Variants in SLC12A1 observed in about 807,000 individuals in gnomAD.
SLC12A1 encodes the protein solute carrier family 12 member 1.
SLC12A1 carries 89 observed loss-of-function variants against 130.4 expected under a neutral mutation model. The observed-to-expected ratio is 0.68, with a 90% CI of 0.58 to 0.81. The LOEUF is 0.81. SLC12A1 is among the 40% of genes least tolerant of loss of function. The probability of loss-of-function intolerance (pLI) is 0.00; values close to 1 mark genes in which losing one functional copy is unlikely to be tolerated. For missense variants in SLC12A1, 1,310 were observed against 1,336.4 expected, an observed-to-expected ratio of 0.98 and a Z score of 0.31; for synonymous variants, 499 against 460.0, an observed-to-expected ratio of 1.08 and a Z score of -1.09.
chr15:48,261,873 T>C (rs1033550830), intron 17 of SLC12A1, among the ~76,000 whole-genome samples: 11 of 152,172 alleles, frequency 7.2e-5, no homozygotes, highest in Non-Finnish European at 1.5e-5. Context: ...CATAATTTCA[T>C]CTCTCTGTGC....
In SLC12A1 at chr15:48,244,778, C is replaced by T. The variant is rs769836162; in HGVS notation, c.1326C>T (p.Thr442=). The T allele has an allele frequency of 1.2e-5, 20 of 1,613,888 alleles. No individual in the cohort carries two copies. Among genetic ancestry groups the T allele is most frequent in the East Asian group, 2.2e-5 (1 of 44,880 alleles). Residue 442 remains threonine (T), a synonymous_variant, in exon 11 of 27, where the codon ACC becomes ACT. Coordinates refer to ENST00000380993, the MANE Select transcript of SLC12A1 (RefSeq NM_000338.3). ...CVGACVVRDA[T]GNMNDTIISG... is the part of the protein sequence containing the mutation. ...GGGCCTGTGTGGTCCGAGATGCCAC[C>T]GGGAACATGAATGACACCATCATTT...
chr15:48,276,751 T>C (rs369920432), intron 20 of SLC12A1, among the ~76,000 whole-genome samples: 6 of 151,600 alleles, frequency 4.0e-5, no homozygotes, highest in African/African-American at 7.3e-5. Flanking sequence ...CCCTAGAAAA[T>C]AGAACTCAAA....
At chr15:48,250,410 A>C (rs74371389) in intron 14 of SLC12A1, among the ~76,000 whole-genome samples, 2,814 of 152,300 alleles carry the variant, frequency 0.018, 83 homozygotes, top group African/African-American at 0.065. Flanking sequence ...AATAAGACAA[A>C]ATATAGATGG....
At chr15:48,227,256 A>G in intron 5 of SLC12A1, 1 of 1,028,818 alleles carries the variant, frequency 9.7e-7, no homozygotes, top group Non-Finnish European at 1.5e-6. Flanking sequence ...AGTGAAAGTA[A>G]CATATTGCTA....
At chr15:48,265,684 GA>G (rs2041824785) in intron 17 of SLC12A1, among the ~76,000 whole-genome samples, 1 of 151,990 alleles carries the variant, frequency 6.6e-6, no homozygotes, top group African/African-American at 2.4e-5. Context: ...CCTTTAATGG[GA>G]AGTCAACCAA....
intron 16 of SLC12A1, among the ~76,000 whole-genome samples, chr15:48,256,511 G>T (rs1331909606): frequency 6.6e-6 from 1 of 152,188 alleles, no homozygotes; most frequent in African/African-American, 2.4e-5. Flanking sequence ...TTTAAAAAAA[G>T]AGGCTTAATG....
chr15:48,267,750 C>T (rs746887686), intron 18 of SLC12A1, 49 bp downstream of exon 18: 2 of 1,598,864 alleles, frequency 1.3e-6, no homozygotes, highest in South Asian at 2.2e-5. Context: ...ACAATTAGTG[C>T]TCCATGTTAA....
chr15:48,281,197 A>G (rs745359184), intron 20 of SLC12A1, among the ~76,000 whole-genome samples: 3 of 152,178 alleles, frequency 2.0e-5, no homozygotes, highest in Non-Finnish European at 4.4e-5. Context: ...GCATTTTCCA[A>G]TGGGAATAAT....
At chr15:48,237,220 G>A (rs923093405) in intron 9 of SLC12A1, 15 of 561,664 alleles carry the variant, frequency 2.7e-5, no homozygotes, top group South Asian at 2.1e-4. Flanking sequence ...AAGAAGAGAC[G>A]GACATTTGAA....
At position 48,294,330 on chromosome 15, in the gene SLC12A1, A is replaced by G. The variant is rs150346589; in HGVS notation, c.2960+2466A>G. 4.1e-3 allele frequency among the ~76,000 whole-genome samples: 604 copies of G among 149,052 alleles called. 8 individuals carry two copies. The Middle Eastern group carries it at 0.041, about 10-fold the overall frequency. On this transcript the variant is annotated intron_variant, in intron 24 of 26. Coordinates refer to ENST00000380993, the MANE Select transcript of SLC12A1 (RefSeq NM_000338.3). Reference sequence around the variant, plus strand: ...ACCACTGCACCTCAGCCTGGGCGACAGAGCAAGACTACATCTCAAAAAAAA... The same window carrying G: ...ACCACTGCACCTCAGCCTGGGCGACGGAGCAAGACTACATCTCAAAAAAAA...
chr15:48,207,999 AAC>A lies in SLC12A1; in HGVS notation c.284_285del (p.Thr95IlefsTer22). ...ASFHAYDSHTNTYYLQTFGHN... is the reference protein window; with the variant it reads ...ASFHAYDSHTXTYYLQTFGHN... ...TTTTCACGCTTATGATTCTCACACA[AAC>A]ACATACTATCTACAAACTTTTGGCC... On this transcript the variant is annotated frameshift_variant, in exon 2 of 27. Coordinates refer to ENST00000380993, the MANE Select transcript of SLC12A1 (RefSeq NM_000338.3). LOFTEE classifies it high-confidence loss of function. 1 of 1,613,978 alleles carries A rather than the reference AAC, an allele frequency of 6.2e-7. No individual in the cohort carries two copies. Among genetic ancestry groups the A allele is most frequent in the Non-Finnish European group, 8.5e-7 (1 of 1,179,880 alleles).
rs765473097 is a variant in SLC12A1, at chr15:48,267,598, G to C, written c.2192G>C (p.Gly731Ala). Reference protein sequence around the residue: ...RKLCVKEMNSGMAKKQAWLIK... With the variant: ...RKLCVKEMNSAMAKKQAWLIK... Reference sequence around the variant, plus strand: ...CTGTGTGTTAAGGAGATGAACAGTGGCATGGCGAAAAAACAGGCCTGGCTT... The same window carrying C: ...CTGTGTGTTAAGGAGATGAACAGTGCCATGGCGAAAAAACAGGCCTGGCTT... Residue 731 changes from glycine to alanine, a missense_variant, in exon 18 of 27, where the codon GGC (glycine) becomes GCC (alanine). Coordinates refer to ENST00000380993, the MANE Select transcript of SLC12A1 (RefSeq NM_000338.3). 7 of 1,613,532 alleles carry C rather than the reference G, an allele frequency of 4.3e-6. No homozygotes were observed. Among genetic ancestry groups the C allele is most frequent in the Non-Finnish European group, 5.9e-6 (7 of 1,179,576 alleles).
chr15:48,207,243 A>G lies in SLC12A1; in HGVS notation c.-186-291A>G, dbSNP rs961905606. 2.6e-5 allele frequency among the ~76,000 whole-genome samples: 4 copies of G among 152,306 alleles called. No homozygotes were observed. The South Asian group carries it at 8.3e-4, about 32-fold the overall frequency. On this transcript the variant is annotated intron_variant, in intron 1 of 26. Transcript: ENST00000380993. ...TACTGTATTCAATAAGTAAAGTTACATCTTTTCTAAAGTCACAGTGAACTC... is the reference window on the plus strand; with the variant it reads ...TACTGTATTCAATAAGTAAAGTTACGTCTTTTCTAAAGTCACAGTGAACTC...
intron 23 of SLC12A1, among the ~76,000 whole-genome samples, chr15:48,290,792 A>G (rs1406609238): frequency 6.8e-6 from 1 of 146,744 alleles, no homozygotes; most frequent in African/African-American, 2.8e-5. Context: ...ATTTAATTAT[A>G]CTTAAAGAGG....
rs34192444 is a variant in SLC12A1, at chr15:48,279,211, T to G, written c.2485+4558T>G. Among the ~76,000 whole-genome samples the G allele has an allele frequency of 4.8e-3, 734 of 152,360 alleles. 8 individuals are homozygous for G. Among genetic ancestry groups the G allele is most frequent in the Middle Eastern group, 0.044 (13 of 294 alleles). Reference sequence around the variant, plus strand: ...TACGACACAAACCTCTTATTAGATTTTGAATTGGAAGAAATAAACTTGCAT... The same window carrying G: ...TACGACACAAACCTCTTATTAGATTGTGAATTGGAAGAAATAAACTTGCAT... On this transcript the variant is annotated intron_variant, in intron 20 of 26. Transcript: ENST00000380993.
chr15:48,226,088 G>GA (rs2041282265), intron 4 of SLC12A1: 1 of 184,606 alleles, frequency 5.4e-6, no homozygotes, highest in South Asian at 1.5e-4. Context: ...AGAGATGCAA[G>GA]AAAAATGGGG....
chr15:48,284,762 C>T (rs1232162839), intron 20 of SLC12A1, among the ~76,000 whole-genome samples: 1 of 152,128 alleles, frequency 6.6e-6, no homozygotes, highest in Non-Finnish European at 1.5e-5. Context: ...ACCTCGGCCT[C>T]CCAAGTAGCT....
chr15:48,254,592 TAAAAAAAAAAAAAAAAAAAA>T (rs550686114), intron 15 of SLC12A1, among the ~76,000 whole-genome samples: 27 of 52,890 alleles, frequency 5.1e-4, no homozygotes, highest in Admixed American at 1.4e-3. Context: ...CTTAAATTCG[TAAAAAAAAAAAAAAAAAAAA>T]AAAAAAAAAA....
intron 7 of SLC12A1, among the ~76,000 whole-genome samples, chr15:48,230,865 T>C (rs757492409): frequency 1.3e-5 from 2 of 152,312 alleles, no homozygotes; most frequent in Middle Eastern, 3.4e-3. Flanking sequence ...CCAAGAGAAA[T>C]GGCAAGTGTG....
Sources: gnomAD v4.1 joint callset for allele counts (sites outside exome capture counted in the v4.1 genomes callset) on GRCh38, gnomAD v4.1.1 for gene constraint, MANE v1.5 for transcripts, NCBI Gene and HGNC (gene_info 2026-07-23, HGNC 2026-07-21) for gene names.